The following UNC5D variants were observed in gnomAD, a reference collection of about 807,000 sequenced individuals.
The protein encoded by UNC5D is netrin receptor UNC5D.
A neutral mutation model predicts 105.4 loss-of-function variants in UNC5D; 39 were observed. The ratio of observed to expected loss-of-function variants is 0.37; its 90% CI spans 0.29 to 0.48. UNC5D has a LOEUF of 0.48. Among genes scored for constraint, UNC5D ranks in the 20% least tolerant of loss-of-function variants. The probability of loss-of-function intolerance (pLI) is 0.98; values close to 1 mark genes in which losing one functional copy is unlikely to be tolerated. For missense variants in UNC5D, 991 were observed against 1,202.4 expected, an observed-to-expected ratio of 0.82 and a Z score of 2.60; for synonymous variants, 452 against 450.4, an observed-to-expected ratio of 1.00 and a Z score of -0.04.
chr8:35,734,464 G>A (rs1023096099), intron 11 of UNC5D, among the ~76,000 whole-genome samples: 1 of 151,830 alleles, frequency 6.6e-6, no homozygotes, highest in Non-Finnish European at 1.5e-5. Context: ...AGGCTGGAGT[G>A]CAATGGCGTG....
chr8:35,250,828 C>G (rs574402670), intron 1 of UNC5D, among the ~76,000 whole-genome samples: 3 of 152,056 alleles, frequency 2.0e-5, no homozygotes, highest in African/African-American at 4.8e-5. Flanking sequence ...CTCCTTCCCC[C>G]ACTCTAGTAG....
intron 1 of UNC5D, among the ~76,000 whole-genome samples, chr8:35,436,926 T>C (rs1169267111): frequency 1.3e-5 from 2 of 152,126 alleles, no homozygotes; most frequent in South Asian, 2.1e-4. Flanking sequence ...TAGAAACTTT[T>C]AAATATGTTT....
At chr8:35,583,155 C>T (rs1818561826) in intron 3 of UNC5D, among the ~76,000 whole-genome samples, 1 of 152,114 alleles carries the variant, frequency 6.6e-6, no homozygotes, top group African/African-American at 2.4e-5. Context: ...AGTTAGAGAC[C>T]AGCCTGGGCA....
At chr8:35,418,545 G>C (rs1180678550) in intron 1 of UNC5D, among the ~76,000 whole-genome samples, 1 of 152,166 alleles carries the variant, frequency 6.6e-6, no homozygotes, top group East Asian at 1.9e-4. Flanking sequence ...TGATGAATTA[G>C]ACTTTAGCAT....
At chr8:35,773,774 G>A (rs1802110772) in intron 15 of UNC5D, among the ~76,000 whole-genome samples, 1 of 152,158 alleles carries the variant, frequency 6.6e-6, no homozygotes. Context: ...CCAGGCTAGA[G>A]TGCAATGGCG....
chr8:35,516,989 T>G (rs1327523115), intron 1 of UNC5D, among the ~76,000 whole-genome samples: 2 of 152,234 alleles, frequency 1.3e-5, no homozygotes, highest in African/African-American at 4.8e-5. Flanking sequence ...TGCTGTTCTC[T>G]TCATTGACAT....
chr8:35,659,493 A>G (rs769804327), intron 4 of UNC5D, among the ~76,000 whole-genome samples: 3 of 152,254 alleles, frequency 2.0e-5, no homozygotes, highest in African/African-American at 7.2e-5. Flanking sequence ...GTTTACATTA[A>G]TCACCTGTTG....
rs60364288 is a variant in UNC5D at position 35,290,948 on chromosome 8, C to CAA, written c.103+55077_103+55078dup. On this transcript the variant is annotated intron_variant, in intron 1 of 16. Coordinates refer to ENST00000404895, the MANE Select transcript of UNC5D (RefSeq NM_080872.4). ...GGGCGACAAAAGCGAGACTCCATCT[C>CAA]AAAAAAAAAAAAAAAAAGAGGTGTG... is the stretch of plus-strand genomic sequence containing the variant. 3.7e-3 allele frequency among the ~76,000 whole-genome samples: 220 copies of CAA among 60,104 alleles called. 1 individual carries two copies. Among genetic ancestry groups the CAA allele is most frequent in the African/African-American group, 0.012 (199 of 16,880 alleles). The allele number at this position is 60,104 out of a possible 152,430, so 39.4% of individuals were successfully genotyped here.
intron 1 of UNC5D, among the ~76,000 whole-genome samples, chr8:35,359,076 A>G (rs1342617032): frequency 6.6e-6 from 1 of 152,202 alleles, no homozygotes; most frequent in Non-Finnish European, 1.5e-5. Flanking sequence ...ACTTGAGCCC[A>G]GTAGTTCGAC....
intron 1 of UNC5D, among the ~76,000 whole-genome samples, chr8:35,394,779 G>A (rs1803997335): frequency 6.6e-6 from 1 of 152,166 alleles, no homozygotes; most frequent in Admixed American, 6.5e-5. Context: ...GAGTTTCTAT[G>A]TAAATATGTA....
chr8:35,753,767 T>G (rs532976499), intron 13 of UNC5D, among the ~76,000 whole-genome samples: 3 of 152,322 alleles, frequency 2.0e-5, no homozygotes, highest in African/African-American at 7.2e-5. Flanking sequence ...GTATCCCCCT[T>G]GGGGTTTTGA....
Position 35,544,525 on chromosome 8 carries a change from A to G in UNC5D, c.104-4767A>G, listed in dbSNP as rs549413100. On this transcript the variant is annotated intron_variant, in intron 1 of 16. Coordinates refer to ENST00000404895, the MANE Select transcript of UNC5D (RefSeq NM_080872.4). ...GGTTCCTGTTGGACTTTTCCTCCCA[A>G]ACTTCACCAGGTAAGGCAGGAACAA... The G allele has an allele frequency of 3.1e-6, 5 of 1,613,416 alleles. No individual in the cohort carries two copies. The South Asian group carries it at 5.5e-5, about 18-fold the overall frequency.
intron 1 of UNC5D, among the ~76,000 whole-genome samples, chr8:35,383,026 A>C (rs1313977493): frequency 1.3e-5 from 2 of 152,224 alleles, no homozygotes; most frequent in Non-Finnish European, 1.5e-5. Flanking sequence ...TGCAAAGTAC[A>C]AGAAAAGGAA....
Position 35,570,059 on chromosome 8 carries a change from C to T in UNC5D, c.466+1818C>T, listed in dbSNP as rs535117922. Among the ~76,000 whole-genome samples the T allele has an allele frequency of 7.2e-5, 11 of 152,232 alleles. No individual in the cohort carries two copies. The South Asian group carries it at 2.1e-3, about 29-fold the overall frequency. ...GCTGGAAACTTCCAGGGGTTTTGTCCAGGGAAAAACCTTGTTTTTGCTTAC... is the reference window on the plus strand; with the variant it reads ...GCTGGAAACTTCCAGGGGTTTTGTCTAGGGAAAAACCTTGTTTTTGCTTAC... On this transcript the variant is annotated intron_variant, in intron 3 of 16. Coordinates refer to ENST00000404895, the MANE Select transcript of UNC5D (RefSeq NM_080872.4).
At chr8:35,278,676 C>G (rs1805942366) in intron 1 of UNC5D, among the ~76,000 whole-genome samples, 1 of 152,006 alleles carries the variant, frequency 6.6e-6, no homozygotes, top group Non-Finnish European at 1.5e-5. Flanking sequence ...GTATTGCAGT[C>G]AAACAAATTA....
chr8:35,746,332 G>C (rs1830005690), intron 11 of UNC5D, among the ~76,000 whole-genome samples: 1 of 152,092 alleles, frequency 6.6e-6, no homozygotes, highest in Non-Finnish European at 1.5e-5. Context: ...ACAGGTAGAA[G>C]GTAGCAGAAA....
intron 3 of UNC5D, among the ~76,000 whole-genome samples, chr8:35,594,501 G>A (rs1819368662): frequency 6.6e-6 from 1 of 152,120 alleles, no homozygotes; most frequent in African/African-American, 2.4e-5. Context: ...GCATTGTCAG[G>A]GAGGGAGGGC....
intron 16 of UNC5D, among the ~76,000 whole-genome samples, chr8:35,776,814 T>G (rs1802267819): frequency 6.6e-6 from 1 of 152,200 alleles, no homozygotes; most frequent in Non-Finnish European, 1.5e-5. Flanking sequence ...TGGAATCTAC[T>G]TCTATCCTTA....
chr8:35,628,735 C>T (rs952104017), intron 4 of UNC5D, among the ~76,000 whole-genome samples: 2 of 152,104 alleles, frequency 1.3e-5, no homozygotes, highest in African/African-American at 4.8e-5. Context: ...AAAAGAAAAG[C>T]TTGTTAGCAT....
Sources: allele counts gnomAD v4.1 joint callset (sites outside exome capture counted in the v4.1 genomes callset), GRCh38; gene constraint gnomAD v4.1.1; transcripts MANE v1.5; gene names NCBI Gene and HGNC (gene_info 2026-07-23, HGNC 2026-07-21).